Variants in POU2F1 observed in about 807,000 individuals in gnomAD.
The protein encoded by POU2F1 is POU class 2 homeobox 1, also known as POU domain, class 2, transcription factor 1.
A neutral mutation model predicts 84.9 loss-of-function variants in POU2F1; 16 were observed. The ratio of observed to expected loss-of-function variants is 0.19; its 90% confidence interval spans 0.13 to 0.29. The LOEUF is 0.29. POU2F1 is among the 10% of genes least tolerant of loss of function. The probability of loss-of-function intolerance (pLI) is 1.00; values close to 1 mark genes in which losing one functional copy is unlikely to be tolerated. For synonymous variants in POU2F1, 368 were observed against 368.3 expected, an observed-to-expected ratio of 1.00 and a Z score of 0.01; for missense variants, 738 against 942.6, an observed-to-expected ratio of 0.78 and a Z score of 2.84.
intron 2 of POU2F1, among the ~76,000 whole-genome samples, chr1:167,332,764 G>T (rs942994481): frequency 6.6e-6 from 1 of 152,154 alleles, no homozygotes; most frequent in African/African-American, 2.4e-5. Context: ...GACAAACTAT[G>T]CAGAAGTTAG....
At position 167,378,050 on chromosome 1, in the gene POU2F1, T is replaced by A. The variant is rs1028103680; in HGVS notation, c.718+1895T>A. Among the ~76,000 whole-genome samples the A allele has an allele frequency of 2.6e-5, 4 of 152,208 alleles. No homozygotes were observed. The East Asian group carries it at 7.7e-4, about 29-fold the overall frequency. ...GTCTTTATGGCAGAAAAATTTATAT[T>A]CTTTTGGGTATATACCCAATAATGG... is the stretch of plus-strand genomic sequence containing the variant. On this transcript the variant is annotated intron_variant, in intron 7 of 15. Coordinates refer to ENST00000367866, the MANE Select transcript of POU2F1 (RefSeq NM_002697.4).
chr1:167,397,691 G>A (rs973552105), intron 10 of POU2F1, among the ~76,000 whole-genome samples: 6 of 152,108 alleles, frequency 3.9e-5, no homozygotes, highest in African/African-American at 7.2e-5. Flanking sequence ...GACCACAGGC[G>A]CACGCCACTG....
At chr1:167,329,013 CAA>C (rs1656895696) in intron 1 of POU2F1, 1 of 1,084,178 alleles carries the variant, frequency 9.2e-7, no homozygotes, top group Admixed American at 5.2e-5. Flanking sequence ...GTTGCCTTGA[CAA>C]TGTCAGTCCT....
Position 167,426,458 on chromosome 1 carries a change from A to G in POU2F1, c.*10648A>G, listed in dbSNP as rs1321798355. On this transcript the variant is annotated 3_prime_UTR_variant, in exon 16 of 16. Transcript: ENST00000367866. ...AAGTTCTGAGTGTACATAATATTCA[A>G]TAATAATCTCCCACCAGGTGTCAAT... The G allele has an allele frequency of 6.6e-6, 1 of 152,244 alleles. No individual in the cohort carries two copies. Among genetic ancestry groups the G allele is most frequent in the African/African-American group, 2.4e-5 (1 of 41,476 alleles). The allele number at this position is 152,244 out of a possible 1,614,324, so 9.4% of individuals were successfully genotyped here.
chr1:167,335,991 C>A (rs1457986675), intron 2 of POU2F1, among the ~76,000 whole-genome samples: 1 of 151,546 alleles, frequency 6.6e-6, no homozygotes, highest in Non-Finnish European at 1.5e-5. Context: ...GAAAAACTCA[C>A]AAATGAACTG....
At chr1:167,362,869 G>A (rs1659433312) in intron 2 of POU2F1, among the ~76,000 whole-genome samples, 1 of 152,102 alleles carries the variant, frequency 6.6e-6, no homozygotes, top group African/African-American at 2.4e-5. Context: ...GCTCTAGATT[G>A]GTTAGTTTGT....
rs183616008 is a variant in POU2F1 at position 167,254,759 on chromosome 1, T to C, written c.61+33801T>C. Reference sequence around the variant, plus strand: ...TCATTTGTTCGTTTCTCTATCCCTCTACCCCAGTGTCTTGAAAAAATATTT... The same window carrying C: ...TCATTTGTTCGTTTCTCTATCCCTCCACCCCAGTGTCTTGAAAAAATATTT... On this transcript the variant is annotated intron_variant, in intron 1 of 15. Transcript: ENST00000367866. Among the ~76,000 whole-genome samples the C allele has an allele frequency of 1.1e-4, 16 of 152,354 alleles. No homozygotes were observed. The East Asian group carries it at 3.1e-3, about 29-fold the overall frequency.
At chr1:167,342,744 C>T (rs1008399819) in intron 2 of POU2F1, among the ~76,000 whole-genome samples, 3 of 152,128 alleles carry the variant, frequency 2.0e-5, no homozygotes, top group Admixed American at 6.5e-5. Context: ...TTTGAACTTA[C>T]GTTTATCCAG....
chr1:167,295,697 A>G (rs1254166974), intron 1 of POU2F1, among the ~76,000 whole-genome samples: 2 of 152,246 alleles, frequency 1.3e-5, no homozygotes, highest in Non-Finnish European at 2.9e-5. Flanking sequence ...CATGAACATG[A>G]TTCAGAGGCT....
At chr1:167,411,122 C>G (rs145897869) in intron 13 of POU2F1, among the ~76,000 whole-genome samples, 11 of 151,788 alleles carry the variant, frequency 7.2e-5, no homozygotes, top group Admixed American at 7.2e-4. Context: ...TCACTGCAAC[C>G]TCCGCCTCCC....
intron 1 of POU2F1, among the ~76,000 whole-genome samples, chr1:167,286,176 A>G (rs541428355): frequency 7.2e-5 from 11 of 152,184 alleles, no homozygotes; most frequent in Non-Finnish European, 1.0e-4. Flanking sequence ...TTTTTAATAT[A>G]TATGCCAAGT....
rs116705936 is a variant in POU2F1 at position 167,378,812 on chromosome 1, G to A, written c.718+2657G>A. Among the ~76,000 whole-genome samples the A allele has an allele frequency of 3.0e-3, 456 of 152,114 alleles. 2 individuals are homozygous for A. Among genetic ancestry groups the A allele is most frequent in the African/African-American group, 0.01 (428 of 41,482 alleles). ...TTTGTTTTTGAGATGGAGTTAAATG[G>A]CATGATCTTGGCTCACTGCAACCTC... is the stretch of plus-strand genomic sequence containing the variant. On this transcript the variant is annotated intron_variant, in intron 7 of 15. Transcript: ENST00000367866.
chr1:167,289,195 T>G (rs1362569484), intron 1 of POU2F1, among the ~76,000 whole-genome samples: 1 of 152,174 alleles, frequency 6.6e-6, no homozygotes, highest in Non-Finnish European at 1.5e-5. Context: ...TCTTTGAAGT[T>G]TTATTGTGGA....
chr1:167,351,519 C>CAAAAAAAAAA (rs34170498), intron 2 of POU2F1, among the ~76,000 whole-genome samples: 8 of 45,976 alleles, frequency 1.7e-4, no homozygotes, highest in Admixed American at 2.8e-4. Flanking sequence ...AGCACCATCT[C>CAAAAAAAAAA]AAAAAAAAAA....
At chr1:167,340,257 T>C (rs985212994) in intron 2 of POU2F1, among the ~76,000 whole-genome samples, 6 of 151,658 alleles carry the variant, frequency 4.0e-5, no homozygotes, top group Non-Finnish European at 5.9e-5. Flanking sequence ...ATTTTGTATT[T>C]TCAGTAGAGA....
intron 2 of POU2F1, among the ~76,000 whole-genome samples, chr1:167,333,517 G>A (rs2101732335): frequency 6.6e-6 from 1 of 152,226 alleles, no homozygotes; most frequent in East Asian, 1.9e-4. Context: ...CTTAATTTGT[G>A]GTAAATGGCT....
intron 1 of POU2F1, among the ~76,000 whole-genome samples, chr1:167,277,718 C>T (rs1276307199): frequency 6.6e-6 from 1 of 152,160 alleles, no homozygotes; most frequent in Non-Finnish European, 1.5e-5. Flanking sequence ...GCCTCAGTTA[C>T]TACTCGCTGA....
At chr1:167,338,407 T>C (rs1657612121) in intron 2 of POU2F1, 2 of 354,416 alleles carry the variant, frequency 5.6e-6, no homozygotes, top group Admixed American at 3.7e-5. Flanking sequence ...TATTTGAGTT[T>C]TGTGGGAGTC....
chr1:167,302,232 C>A (rs1183707636), intron 1 of POU2F1, among the ~76,000 whole-genome samples: 1 of 151,916 alleles, frequency 6.6e-6, no homozygotes, highest in Admixed American at 6.6e-5. Flanking sequence ...TACAGGCACA[C>A]GCCACCACAC....
Sources: gnomAD v4.1 joint callset for allele counts (sites outside exome capture counted in the v4.1 genomes callset) on GRCh38, gnomAD v4.1.1 for gene constraint, MANE v1.5 for transcripts, NCBI Gene and HGNC (gene_info 2026-07-23, HGNC 2026-07-21) for gene names.